The following NRXN3 variants were observed in gnomAD, a reference collection of about 807,000 sequenced individuals.
NRXN3 encodes neurexin III.
A neutral mutation model predicts 137.6 loss-of-function variants in NRXN3; 32 were observed. The observed-to-expected ratio is 0.23, with a 90% CI of 0.18 to 0.31. The LOEUF (loss-of-function observed/expected upper bound fraction) is 0.31. NRXN3 is among the 10% of genes least tolerant of loss of function. The pLI is 1.00. For synonymous variants in NRXN3, 798 were observed against 784.5 expected (o/e 1.02, Z -0.29); for missense variants, 1,574 against 2,062.5 (o/e 0.76, Z 4.59).
intron 20 of NRXN3, among the ~76,000 whole-genome samples, chr14:79,840,691 TA>T (rs941828075): frequency 6.6e-6 from 1 of 152,182 alleles, no homozygotes; most frequent in African/African-American, 2.4e-5. Context: ...TACTGCTATG[TA>T]AGGTGTAATT....
chr14:79,289,014 A>G (rs1441211686), intron 15 of NRXN3, among the ~76,000 whole-genome samples: 1 of 152,122 alleles, frequency 6.6e-6, no homozygotes, highest in African/African-American at 2.4e-5. Flanking sequence ...AGGCACAGGA[A>G]GTTATGCACC....
At position 79,327,920 on chromosome 14, in the gene NRXN3, A is replaced by T. The variant is rs150101517; in HGVS notation, c.3263-139301A>T. 2.0e-5 allele frequency among the ~76,000 whole-genome samples: 3 copies of T among 152,284 alleles called. No homozygotes were observed. In the East Asian group the frequency reaches 5.8e-4, roughly 29 times the overall value. ...TAGTTTGGCTTTCATTTTGTTCAAG[A>T]ACAGTGGCACAGTTTGGTTTTTCTT... On this transcript the variant is annotated intron_variant, in intron 15 of 20. Transcript: ENST00000335750.
intron 15 of NRXN3, among the ~76,000 whole-genome samples, chr14:79,250,693 A>T (rs2075806813): frequency 6.6e-6 from 1 of 152,178 alleles, no homozygotes; most frequent in Admixed American, 6.5e-5. Flanking sequence ...CCTATCAATA[A>T]TTATATATCC....
intron 15 of NRXN3, among the ~76,000 whole-genome samples, chr14:79,104,934 C>A (rs998295014): frequency 6.6e-6 from 1 of 151,754 alleles, no homozygotes; most frequent in Non-Finnish European, 1.5e-5. Flanking sequence ...TTTATTTTGC[C>A]AACACTCATT....
chr14:79,250,319 G>A (rs1167913139), intron 15 of NRXN3, among the ~76,000 whole-genome samples: 1 of 152,120 alleles, frequency 6.6e-6, no homozygotes, highest in Admixed American at 6.6e-5. Flanking sequence ...GGTAGAGTTT[G>A]CTTACACTGA....
intron 4 of NRXN3, among the ~76,000 whole-genome samples, chr14:78,465,261 C>A (rs1370234581): frequency 2.0e-5 from 3 of 151,762 alleles, no homozygotes; most frequent in Non-Finnish European, 4.4e-5. Flanking sequence ...AGAAAAAGCA[C>A]CCTGGAAATT....
At chr14:78,554,052 G>T (rs375395274) in intron 4 of NRXN3, among the ~76,000 whole-genome samples, 1 of 152,146 alleles carries the variant, frequency 6.6e-6, no homozygotes, top group African/African-American at 2.4e-5. Flanking sequence ...TGGCCCAAAA[G>T]GTAAGTGGGT....
At chr14:78,455,278 C>T (rs970176015) in intron 4 of NRXN3, among the ~76,000 whole-genome samples, 1 of 152,200 alleles carries the variant, frequency 6.6e-6, no homozygotes, top group African/African-American at 2.4e-5. Context: ...CCACATCCCT[C>T]TTTACACATC....
chr14:78,366,807 G>A (rs1190989671), intron 4 of NRXN3, among the ~76,000 whole-genome samples: 2 of 152,232 alleles, frequency 1.3e-5, no homozygotes, highest in African/African-American at 2.4e-5. Flanking sequence ...TCCCATAACA[G>A]GTGGGAATTG....
chr14:79,651,500 A>G (rs888709846), intron 16 of NRXN3, among the ~76,000 whole-genome samples: 1 of 152,164 alleles, frequency 6.6e-6, no homozygotes. Flanking sequence ...GAACATAAAG[A>G]TGCATTTTCT....
At chr14:79,584,002 G>A (rs1332998549) in intron 16 of NRXN3, among the ~76,000 whole-genome samples, 1 of 152,174 alleles carries the variant, frequency 6.6e-6, no homozygotes, top group Non-Finnish European at 1.5e-5. Context: ...TACTCTAGGC[G>A]ATGTCTATGC....
chr14:78,406,317 A>G (rs907469102), intron 4 of NRXN3, among the ~76,000 whole-genome samples: 3 of 152,156 alleles, frequency 2.0e-5, no homozygotes, highest in African/African-American at 4.8e-5. Context: ...TTTATCCTCA[A>G]TTCAGCTACC....
intron 10 of NRXN3, among the ~76,000 whole-genome samples, 154 bp from the exon 11 acceptor site, chr14:78,957,088 T>C (rs1002940313): frequency 2.6e-5 from 4 of 152,218 alleles, no homozygotes; most frequent in Non-Finnish European, 4.4e-5. Context: ...CTACAGAGAA[T>C]CCACTGGATC....
intron 15 of NRXN3, among the ~76,000 whole-genome samples, chr14:79,284,343 C>CATACATATATATAT (rs1177586135): frequency 2.3e-4 from 15 of 65,092 alleles, no homozygotes; most frequent in African/African-American, 6.7e-4. Context: ...ACTAAAAATA[C>CATACATATATATAT]ATATATATAT....
intron 4 of NRXN3, among the ~76,000 whole-genome samples, chr14:78,548,989 AGAG>A (rs2096661908): frequency 6.6e-6 from 1 of 152,188 alleles, no homozygotes; most frequent in Admixed American, 6.5e-5. Flanking sequence ...CGAAATCAGA[AGAG>A]GAGAAGGGAC....
chr14:78,281,294 G>A (rs2074373826), intron 3 of NRXN3, among the ~76,000 whole-genome samples: 1 of 152,238 alleles, frequency 6.6e-6, no homozygotes. Context: ...GCCTTCAGCA[G>A]TTCTCTGACT....
At chr14:79,172,410 A>G (rs2061875630) in intron 15 of NRXN3, among the ~76,000 whole-genome samples, 1 of 152,108 alleles carries the variant, frequency 6.6e-6, no homozygotes, top group South Asian at 2.1e-4. Flanking sequence ...ACCTTTAACA[A>G]TTTTGAATAT....
intron 4 of NRXN3, among the ~76,000 whole-genome samples, chr14:78,475,502 C>G (rs2095363155): frequency 6.6e-6 from 1 of 152,172 alleles, no homozygotes; most frequent in African/African-American, 2.4e-5. Context: ...CTCACCTCTT[C>G]CCTCTTTCTT....
At chr14:79,227,198 T>C (rs1393936789) in intron 15 of NRXN3, among the ~76,000 whole-genome samples, 1 of 152,144 alleles carries the variant, frequency 6.6e-6, no homozygotes, top group African/African-American at 2.4e-5. Context: ...ACACTTATCA[T>C]TGAGCACTTC....
Sources: allele counts gnomAD v4.1 joint callset (sites outside exome capture counted in the v4.1 genomes callset), GRCh38; gene constraint gnomAD v4.1.1; transcripts MANE v1.5; gene names NCBI Gene and HGNC (gene_info 2026-07-23, HGNC 2026-07-21).